RANBP2: variants seen among roughly 807,000 people sequenced by gnomAD.
RANBP2 encodes E3 SUMO-protein ligase RanBP2.
Under a neutral mutation model 303.6 loss-of-function variants are expected in RANBP2, and 57 were observed. The ratio of observed to expected loss-of-function variants is 0.19; its 90% CI spans 0.15 to 0.23. The LOEUF is 0.23. Among genes scored for constraint, RANBP2 ranks in the 10% least tolerant of loss-of-function variants. The probability of loss-of-function intolerance (pLI) is 1.00; values close to 1 mark genes in which losing one functional copy is unlikely to be tolerated. For synonymous variants in RANBP2, 1,167 were observed against 1,301.5 expected (o/e 0.90, Z 2.23); for missense variants, 3,138 against 3,780.8 (o/e 0.83, Z 4.46).
the RANBP2 span, among the ~76,000 whole-genome samples, chr2:109,154,188 G>C: frequency 6.6e-6 from 1 of 152,226 alleles, no homozygotes; most frequent in African/African-American, 2.4e-5. Context: ...GGGCTCAGCA[G>C]ATGGGTCTAA....
the RANBP2 span, among the ~76,000 whole-genome samples, chr2:109,027,546 T>C: frequency 6.6e-6 from 1 of 152,142 alleles, no homozygotes; most frequent in Non-Finnish European, 1.5e-5. Flanking sequence ...CCTCTGTTTA[T>C]GATACCCTGG....
downstream of RANBP2, chr2:108,786,794 C>A: frequency 1.3e-6 from 2 of 1,563,246 alleles, no homozygotes. Flanking sequence ...ACGCGGTTCC[C>A]GGGGAGACTG....
chr2:109,464,284 TCATA>T, the RANBP2 span, among the ~76,000 whole-genome samples: 1 of 152,136 alleles, frequency 6.6e-6, no homozygotes, highest in Admixed American at 6.6e-5. Context: ...ATACACACAT[TCATA>T]CATATACATA....
At chr2:108,924,324 C>T in the RANBP2 span, among the ~76,000 whole-genome samples, 1 of 152,216 alleles carries the variant, frequency 6.6e-6, no homozygotes, top group African/African-American at 2.4e-5. Context: ...CCTGCTGGCA[C>T]CACCCTCTCC....
the RANBP2 span, among the ~76,000 whole-genome samples, chr2:109,596,381 G>A: frequency 6.6e-6 from 1 of 152,116 alleles, no homozygotes; most frequent in Non-Finnish European, 1.5e-5. Flanking sequence ...AGTTTGGGAG[G>A]CCGAGGTGGG....
chr2:108,725,960 T>A (rs1310459759), intron 1 of RANBP2, among the ~76,000 whole-genome samples: 3 of 152,286 alleles, frequency 2.0e-5, no homozygotes, highest in East Asian at 1.9e-4. Context: ...CATTTTTTTC[T>A]TTTAGATGCG....
At chr2:109,526,929 T>C in the RANBP2 span, among the ~76,000 whole-genome samples, 7,290 of 152,198 alleles carry the variant, frequency 0.048, 590 homozygotes, top group African/African-American at 0.17. Flanking sequence ...AGCACGAGGC[T>C]CGAGCCTGCC....
the RANBP2 span, among the ~76,000 whole-genome samples, chr2:109,209,272 C>G: frequency 1.3e-5 from 2 of 152,164 alleles, no homozygotes; most frequent in African/African-American, 4.8e-5. Context: ...TTCAGAGATT[C>G]CCTTGTGCCA....
chr2:109,149,121 C>T, the RANBP2 span, among the ~76,000 whole-genome samples: 4 of 152,100 alleles, frequency 2.6e-5, no homozygotes, highest in Non-Finnish European at 4.4e-5. Flanking sequence ...TGGGAAGGAG[C>T]AGGGAGCCAA....
At chr2:109,614,913 C>G in the RANBP2 span, 44 of 1,467,740 alleles carry the variant, frequency 3.0e-5, 2 homozygotes, top group African/African-American at 2.8e-4. Flanking sequence ...GCCCCCCGCC[C>G]CCGCGCACTG....
chr2:109,398,644 G>A, the RANBP2 span: 2 of 1,601,392 alleles, frequency 1.2e-6, no homozygotes, highest in Admixed American at 1.7e-5. Context: ...CCCAGCCGCT[G>A]CATCCAGCTG....
At chr2:108,782,493 C>G (rs1194308158) in intron 27 of RANBP2, 35 bp from the exon 28 acceptor site, 1 of 1,612,856 alleles carries the variant, frequency 6.2e-7, no homozygotes, top group Non-Finnish European at 8.5e-7. Flanking sequence ...TATTTTAATA[C>G]TAAGGTCACT....
chr2:108,852,470 T>C, the RANBP2 span, among the ~76,000 whole-genome samples: 2 of 152,250 alleles, frequency 1.3e-5, no homozygotes, highest in African/African-American at 4.8e-5. Context: ...ATTGCAGCAC[T>C]GTTCACAATA....
the RANBP2 span, among the ~76,000 whole-genome samples, chr2:108,828,547 A>G: frequency 1.3e-5 from 2 of 152,250 alleles, no homozygotes; most frequent in Non-Finnish European, 2.9e-5. Flanking sequence ...ATAAGCCCTC[A>G]CATATAGTCC....
chr2:109,765,256 AC>A, the RANBP2 span, among the ~76,000 whole-genome samples: 1 of 144,524 alleles, frequency 6.9e-6, no homozygotes, highest in African/African-American at 2.6e-5. Flanking sequence ...AGTAACAAAT[AC>A]ACGTTTAACA....
At chr2:109,380,582 C>T in the RANBP2 span, among the ~76,000 whole-genome samples, 191 of 152,352 alleles carry the variant, frequency 1.3e-3, 1 homozygote, top group African/African-American at 4.2e-3. Flanking sequence ...CCCTTGTCCT[C>T]GCTGCCAGCC....
chr2:109,507,263 C>T, the RANBP2 span, among the ~76,000 whole-genome samples: 1 of 152,200 alleles, frequency 6.6e-6, no homozygotes, highest in Non-Finnish European at 1.5e-5. Context: ...CCGGCCCCAC[C>T]CCTGGCCGGG....
chr2:108,834,824 A>C, the RANBP2 span, among the ~76,000 whole-genome samples: 33 of 152,224 alleles, frequency 2.2e-4, no homozygotes, highest in African/African-American at 7.7e-4. Context: ...TGCATATTCT[A>C]AGTATCTCAT....
chr2:109,126,176 T>G, the RANBP2 span, among the ~76,000 whole-genome samples: 1 of 152,228 alleles, frequency 6.6e-6, no homozygotes, highest in African/African-American at 2.4e-5. Flanking sequence ...GCTTCGTTAA[T>G]TTCATGCCCT....
Sources: allele counts gnomAD v4.1 joint callset (sites outside exome capture counted in the v4.1 genomes callset), GRCh38; gene constraint gnomAD v4.1.1; transcripts MANE v1.5; gene names NCBI Gene and HGNC (gene_info 2026-07-23, HGNC 2026-07-21).